Variants in ZNRF3 observed in about 807,000 individuals in gnomAD.
ZNRF3 encodes the protein E3 ubiquitin-protein ligase ZNRF3.
In ZNRF3, 23 loss-of-function variants were observed where a neutral mutation model predicts 72.5. The ratio of observed to expected loss-of-function variants is 0.32; its 90% CI spans 0.23 to 0.45. The LOEUF (loss-of-function observed/expected upper bound fraction) is 0.45, where lower values mean the gene tolerates loss of function less well. Among genes scored for constraint, ZNRF3 ranks in the 20% least tolerant of loss-of-function variants. ZNRF3 has a pLI of 1.00. For synonymous variants in ZNRF3, 610 were observed against 545.3 expected, an observed-to-expected ratio of 1.12 and a Z score of -1.65; for missense variants, 1,169 against 1,272.1, an observed-to-expected ratio of 0.92 and a Z score of 1.23.
chr22:28,940,471 G>C (rs561124132), intron 1 of ZNRF3, among the ~76,000 whole-genome samples: 6 of 147,402 alleles, frequency 4.1e-5, no homozygotes, highest in Non-Finnish European at 7.4e-5. Flanking sequence ...TTGGAGGGCA[G>C]TTACAGAGCC....
intron 2 of ZNRF3, among the ~76,000 whole-genome samples, chr22:29,016,947 T>C (rs1425145885): frequency 6.6e-6 from 1 of 152,240 alleles, no homozygotes; most frequent in African/African-American, 2.4e-5. Flanking sequence ...GTCTGCTCCC[T>C]ATATTCTCTA....
At chr22:28,916,067 AT>A (rs2034402612) in intron 1 of ZNRF3, among the ~76,000 whole-genome samples, 1 of 152,090 alleles carries the variant, frequency 6.6e-6, no homozygotes, top group Non-Finnish European at 1.5e-5. Context: ...TTTAAATTAC[AT>A]TTAATTTTTT....
intron 1 of ZNRF3, among the ~76,000 whole-genome samples, chr22:28,933,794 T>TCCTCCCC (rs1468747709): frequency 8.1e-6 from 1 of 123,050 alleles, no homozygotes; most frequent in Non-Finnish European, 1.7e-5. Flanking sequence ...CCCTCCTCCC[T>TCCTCCCC]CCTCCCCCTC....
intron 1 of ZNRF3, among the ~76,000 whole-genome samples, chr22:28,981,391 A>G (rs1217484087): frequency 6.6e-6 from 1 of 152,142 alleles, no homozygotes; most frequent in Non-Finnish European, 1.5e-5. Context: ...CAGTCTTGCT[A>G]TGTTGGCCAG....
intron 1 of ZNRF3, among the ~76,000 whole-genome samples, chr22:28,893,552 C>T (rs995391556): frequency 6.7e-6 from 1 of 150,154 alleles, no homozygotes; most frequent in Non-Finnish European, 1.5e-5. Flanking sequence ...GGCTGGAGTG[C>T]AGTGGCGTGA....
intron 1 of ZNRF3, among the ~76,000 whole-genome samples, chr22:28,924,190 C>T (rs1399989078): frequency 1.3e-5 from 2 of 152,220 alleles, no homozygotes; most frequent in Non-Finnish European, 2.9e-5. Context: ...TTGCAGAGGG[C>T]ACGCAGCATC....
In ZNRF3 at chr22:29,057,403, A is replaced by G. The variant is rs892583916; in HGVS notation, c.*3781A>G. 3 of 152,250 alleles carry G rather than the reference A, an allele frequency of 2.0e-5. No homozygotes were observed. Among genetic ancestry groups the G allele is most frequent in the Admixed American group, 6.5e-5 (1 of 15,284 alleles). 9.4% of individuals were successfully genotyped at this position (152,250 alleles called of 1,614,324 possible). A position where few individuals can be genotyped will look rare whatever the true frequency, so the allele number is the denominator to read the frequency against. On this transcript the variant is annotated 3_prime_UTR_variant, in exon 9 of 9. Transcript: ENST00000544604. ...CATATTTGCAGACCAAAAATGATTTAAAACAAGTTGTAGTCTTCTATGGTT... is the reference window on the plus strand; with the variant it reads ...CATATTTGCAGACCAAAAATGATTTGAAACAAGTTGTAGTCTTCTATGGTT...
intron 2 of ZNRF3, among the ~76,000 whole-genome samples, chr22:29,008,736 A>G (rs1372153716): frequency 6.6e-6 from 1 of 152,222 alleles, no homozygotes; most frequent in Non-Finnish European, 1.5e-5. Flanking sequence ...TGGTAAGACC[A>G]ACAACTATCC....
At chr22:29,006,282 C>T (rs1162929371) in intron 2 of ZNRF3, among the ~76,000 whole-genome samples, 4 of 137,772 alleles carry the variant, frequency 2.9e-5, no homozygotes, top group African/African-American at 8.2e-5. Context: ...GGCACAATCT[C>T]GGCTCACCGC....
intron 2 of ZNRF3, among the ~76,000 whole-genome samples, chr22:28,997,009 C>G (rs1379611531): frequency 6.6e-6 from 1 of 152,136 alleles, no homozygotes; most frequent in African/African-American, 2.4e-5. Context: ...TCGGCTTTAA[C>G]CCAAGTTCAG....
chr22:28,980,379 A>G (rs2035744564), intron 1 of ZNRF3, among the ~76,000 whole-genome samples: 1 of 152,266 alleles, frequency 6.6e-6, no homozygotes, highest in Non-Finnish European at 1.5e-5. Flanking sequence ...AATTTTAAAA[A>G]TCAAGGTTTA....
At position 29,050,461 on chromosome 22, in the gene ZNRF3, C is replaced by T. The variant is rs1341271819; in HGVS notation, c.2280C>T (p.Gly760=). 1.2e-6 allele frequency: 2 copies of T among 1,612,436 alleles called. No homozygotes were observed. The highest frequency in any genetic ancestry group is 2.2e-5 in the East Asian group (1 of 44,864). ...PQSGSSQGLY[G]LHPDHLPRTD... ...CAGGAAGCTCCCAGGGCTTGTACGG[C>T]CTTCACCCCGACCATTTGCCCAGGA... The change falls in exon 8 of 9, where the codon GGC becomes GGT. Residue 760 remains glycine, a synonymous_variant. Transcript: ENST00000544604.
chr22:28,918,483 G>C (rs559560296), intron 1 of ZNRF3, among the ~76,000 whole-genome samples: 2 of 151,340 alleles, frequency 1.3e-5, no homozygotes, highest in Non-Finnish European at 2.9e-5. Flanking sequence ...TGCATGTGTG[G>C]GTGCGTGCGT....
In ZNRF3 at chr22:29,028,251, A is replaced by C. The variant is rs140877211; in HGVS notation, c.427-14244A>C. On this transcript the variant is annotated intron_variant, in intron 2 of 8. Coordinates refer to ENST00000544604, the MANE Select transcript of ZNRF3 (RefSeq NM_001206998.2). ...TTGACTAAATAGGCCTGAGTTTTTA[A>C]GCAGGTAACCCTGTACAAAAGTAGG... Among the ~76,000 whole-genome samples the C allele has an allele frequency of 7.3e-3, 1,112 of 152,304 alleles. 19 individuals carry two copies. The highest frequency in any genetic ancestry group is 0.026 in the African/African-American group (1,074 of 41,566).
chr22:28,890,302 A>G (rs1278205921), intron 1 of ZNRF3, among the ~76,000 whole-genome samples: 3 of 152,118 alleles, frequency 2.0e-5, no homozygotes, highest in Non-Finnish European at 4.4e-5. Context: ...AGATCGAGAC[A>G]ATCCTGGCTG....
intron 1 of ZNRF3, among the ~76,000 whole-genome samples, chr22:28,923,109 G>C (rs1280229563): frequency 1.3e-5 from 2 of 152,148 alleles, no homozygotes; most frequent in Non-Finnish European, 2.9e-5. Context: ...TTAAAGGAAA[G>C]GAGTTGATAA....
chr22:28,911,249 A>G (rs559146708), intron 1 of ZNRF3, among the ~76,000 whole-genome samples: 146 of 152,194 alleles, frequency 9.6e-4, no homozygotes, highest in African/African-American at 3.2e-3. Context: ...TAGGGGAGGG[A>G]TAAGAGGGGC....
chr22:28,946,715 T>C (rs1448210967), intron 1 of ZNRF3, among the ~76,000 whole-genome samples: 4 of 152,194 alleles, frequency 2.6e-5, no homozygotes, highest in Non-Finnish European at 5.9e-5. Context: ...ACAGTTTGTC[T>C]AGGAGCATCA....
chr22:28,955,032 G>GTTTTT (rs372334361), intron 1 of ZNRF3, among the ~76,000 whole-genome samples: 7 of 137,162 alleles, frequency 5.1e-5, no homozygotes, highest in Non-Finnish European at 6.1e-5. Flanking sequence ...TATTTTTGGT[G>GTTTTT]TTTTTTTTTT....
Sources: allele counts gnomAD v4.1 joint callset (sites outside exome capture counted in the v4.1 genomes callset), GRCh38; gene constraint gnomAD v4.1.1; transcripts MANE v1.5; gene names NCBI Gene and HGNC (gene_info 2026-07-23, HGNC 2026-07-21).